Variants in KIAA1328 observed in about 807,000 individuals in gnomAD.
KIAA1328 encodes KIAA1328, also known as protein hinderin.
A neutral mutation model predicts 68.1 loss-of-function variants in KIAA1328; 52 were observed. That is an observed-to-expected ratio of 0.76 (90% CI 0.61 to 0.96). The LOEUF (loss-of-function observed/expected upper bound fraction) is 0.96. KIAA1328 is among the 40% of genes least tolerant of loss of function. The probability of loss-of-function intolerance (pLI) is 0.00; values close to 1 mark genes in which losing one functional copy is unlikely to be tolerated. For missense variants in KIAA1328, 641 were observed against 677.6 expected (o/e 0.95, Z 0.60); for synonymous variants, 232 against 239.4 (o/e 0.97, Z 0.28).
At chr18:37,101,687 A>G (rs2057623248) in intron 7 of KIAA1328, among the ~76,000 whole-genome samples, 2 of 152,196 alleles carry the variant, frequency 1.3e-5, no homozygotes, top group African/African-American at 4.8e-5. Flanking sequence ...ATACTCCTCA[A>G]GAAGAGCAAC....
At chr18:37,217,639 A>G (rs998265733) in intron 9 of KIAA1328, among the ~76,000 whole-genome samples, 1 of 152,060 alleles carries the variant, frequency 6.6e-6, no homozygotes. Context: ...TCTGACAATT[A>G]TGTGTCTTGG....
chr18:36,947,158 C>T (rs1184904425), intron 5 of KIAA1328, among the ~76,000 whole-genome samples: 6 of 152,044 alleles, frequency 3.9e-5, no homozygotes, highest in South Asian at 2.1e-4. Flanking sequence ...AGCAAGACTC[C>T]GTCTCCTAAA....
rs562333455 is a variant in KIAA1328 at position 37,173,953 on chromosome 18, G to A, written c.1523+872G>A. On this transcript the variant is annotated intron_variant, in intron 9 of 9. Coordinates refer to ENST00000280020, the MANE Select transcript of KIAA1328 (RefSeq NM_020776.3). ...AAACCTAGGAAACAGTGTGTTCATC[G>A]TATTTTGGCTCTTTTTGTCATTCCT... Among the ~76,000 whole-genome samples the A allele has an allele frequency of 4.6e-5, 7 of 152,244 alleles. No homozygotes were observed. The East Asian group carries it at 7.7e-4, about 17-fold the overall frequency.
In KIAA1328 at chr18:36,841,362, A is replaced by G. The variant is rs571661563; in HGVS notation, c.238-2846A>G. Among the ~76,000 whole-genome samples the G allele has an allele frequency of 2.6e-5, 4 of 151,556 alleles. No homozygotes were observed. The East Asian group carries it at 8.0e-4, about 30-fold the overall frequency. On this transcript the variant is annotated intron_variant, in intron 3 of 9. Transcript: ENST00000280020. The stretch of plus-strand genomic sequence containing the variant: ...CAGAGAGAAAAGAATCCTCTTCCCA[A>G]TAGATGGTGTTGGGCCCATAGACTG...
At chr18:36,958,862 T>G (rs74405710) in intron 5 of KIAA1328, among the ~76,000 whole-genome samples, 1 of 152,070 alleles carries the variant, frequency 6.6e-6, no homozygotes, top group Non-Finnish European at 1.5e-5. Context: ...TTTTTTTTTT[T>G]ATTTGGTTAC....
intron 3 of KIAA1328, among the ~76,000 whole-genome samples, 161 bp downstream of exon 3, chr18:36,835,537 T>C (rs896629922): frequency 6.6e-6 from 1 of 152,204 alleles, no homozygotes; most frequent in Non-Finnish European, 1.5e-5. Context: ...GGTTTGAGCC[T>C]AAATTATCTG....
At chr18:36,847,488 C>T (rs764396900) in intron 4 of KIAA1328, among the ~76,000 whole-genome samples, 29 of 151,264 alleles carry the variant, frequency 1.9e-4, no homozygotes, top group African/African-American at 3.9e-4. Flanking sequence ...TAGTGTTTAC[C>T]GGTGACTAAT....
At chr18:37,021,074 A>G (rs1425705649) in intron 6 of KIAA1328, among the ~76,000 whole-genome samples, 1 of 152,186 alleles carries the variant, frequency 6.6e-6, no homozygotes, top group Non-Finnish European at 1.5e-5. Context: ...GGACTCCCCA[A>G]ATGAAGACTC....
chr18:36,946,897 A>T (rs1342262665), intron 5 of KIAA1328, among the ~76,000 whole-genome samples: 2 of 152,226 alleles, frequency 1.3e-5, no homozygotes. Flanking sequence ...GATGACAAGC[A>T]TAAAAATGAT....
chr18:36,879,513 T>G (rs963912564), intron 4 of KIAA1328, among the ~76,000 whole-genome samples: 8 of 152,202 alleles, frequency 5.3e-5, no homozygotes, highest in Non-Finnish European at 1.0e-4. Context: ...GAGACTCACT[T>G]GAAGAGGCAG....
At chr18:37,176,908 A>G (rs1006348242) in intron 9 of KIAA1328, among the ~76,000 whole-genome samples, 13 of 152,216 alleles carry the variant, frequency 8.5e-5, no homozygotes, top group African/African-American at 2.9e-4. Context: ...TCCATTGTCA[A>G]CAATAAAGAT....
intron 4 of KIAA1328, among the ~76,000 whole-genome samples, chr18:36,851,507 T>C (rs2047210394): frequency 6.6e-6 from 1 of 152,154 alleles, no homozygotes. Context: ...TCAGATCTTC[T>C]GTTTGCTCTT....
intron 7 of KIAA1328, among the ~76,000 whole-genome samples, chr18:37,092,064 C>T (rs1408443980): frequency 1.3e-5 from 2 of 152,146 alleles, no homozygotes; most frequent in Non-Finnish European, 2.9e-5. Context: ...GGCATGCCAT[C>T]CGGTAGCCTG....
chr18:37,183,496 C>G (rs1183642090), intron 9 of KIAA1328, among the ~76,000 whole-genome samples: 2 of 152,294 alleles, frequency 1.3e-5, no homozygotes, highest in East Asian at 1.9e-4. Flanking sequence ...CTGCACATCT[C>G]CTTACTTCTT....
intron 6 of KIAA1328, among the ~76,000 whole-genome samples, chr18:37,011,926 A>G (rs2053992826): frequency 6.6e-6 from 1 of 151,956 alleles, no homozygotes; most frequent in African/African-American, 2.4e-5. Flanking sequence ...AAAGATGAAT[A>G]TTACTGTGTA....
chr18:36,932,341 C>A (rs2050340774), intron 5 of KIAA1328, among the ~76,000 whole-genome samples: 1 of 152,116 alleles, frequency 6.6e-6, no homozygotes. Context: ...TGCCTCAGCC[C>A]CACAAGTTGC....
At chr18:36,928,084 A>G (rs556271058) in intron 5 of KIAA1328, among the ~76,000 whole-genome samples, 1 of 152,176 alleles carries the variant, frequency 6.6e-6, no homozygotes, top group East Asian at 1.9e-4. Flanking sequence ...GCCAACCCCA[A>G]CCCCAGTAGG....
At chr18:37,063,566 C>G in intron 6 of KIAA1328, 3 of 877,064 alleles carry the variant, frequency 3.4e-6, no homozygotes, top group Non-Finnish European at 4.1e-6. Flanking sequence ...GTTGCGTACA[C>G]TAGGGGGTGA....
At chr18:37,218,593 C>G (rs1021720486) in intron 9 of KIAA1328, among the ~76,000 whole-genome samples, 1 of 152,218 alleles carries the variant, frequency 6.6e-6, no homozygotes, top group Non-Finnish European at 1.5e-5. Flanking sequence ...CTTTCTTCCA[C>G]TCGATGGAAT....
Sources: gnomAD v4.1 joint callset for allele counts (sites outside exome capture counted in the v4.1 genomes callset) on GRCh38, gnomAD v4.1.1 for gene constraint, MANE v1.5 for transcripts, NCBI Gene and HGNC (gene_info 2026-07-23, HGNC 2026-07-21) for gene names.